Variants in STAM observed in about 807,000 individuals in gnomAD.
The protein encoded by STAM is signal transducing adapter molecule 1.
In STAM, 16 loss-of-function variants were observed where a neutral mutation model predicts 63.4. The observed-to-expected ratio is 0.25, with a 90% CI of 0.17 to 0.38. The LOEUF (loss-of-function observed/expected upper bound fraction) is 0.38. Among genes scored for constraint, STAM ranks in the 10% least tolerant of loss-of-function variants. The probability of loss-of-function intolerance (pLI) is 1.00; values close to 1 mark genes in which losing one functional copy is unlikely to be tolerated. For missense variants in STAM, 636 were observed against 657.1 expected, an observed-to-expected ratio of 0.97 and a Z score of 0.35; for synonymous variants, 238 against 223.9, an observed-to-expected ratio of 1.06 and a Z score of -0.56.
intron 1 of STAM, among the ~76,000 whole-genome samples, chr10:17,654,473 C>T (rs936906041): frequency 1.3e-5 from 2 of 152,052 alleles, no homozygotes; most frequent in Non-Finnish European, 2.9e-5. Context: ...CCGCCCACCT[C>T]GGCCTCCCAA....
intron 2 of STAM, among the ~76,000 whole-genome samples, chr10:17,681,682 T>TA (rs1835093000): frequency 6.6e-6 from 1 of 152,240 alleles, no homozygotes; most frequent in Non-Finnish European, 1.5e-5. Context: ...CTGTTTATGT[T>TA]ATCTGAATTT....
At chr10:17,644,858 G>A (rs549669625) in intron 1 of STAM, among the ~76,000 whole-genome samples, 1 of 152,310 alleles carries the variant, frequency 6.6e-6, no homozygotes, top group African/African-American at 2.4e-5. Flanking sequence ...GTAACTGAAG[G>A]AGGGAGCTCT....
chr10:17,675,542 T>A (rs1834815191), intron 2 of STAM, among the ~76,000 whole-genome samples: 1 of 151,856 alleles, frequency 6.6e-6, no homozygotes. Context: ...CTGAAATTGA[T>A]GGTTTTAAAC....
At chr10:17,665,260 TA>T (rs1477903992) in intron 2 of STAM, among the ~76,000 whole-genome samples, 1 of 152,190 alleles carries the variant, frequency 6.6e-6, no homozygotes, top group African/African-American at 2.4e-5. Flanking sequence ...CATATGCATA[TA>T]TATTTATGTT....
At chr10:17,647,379 T>C (rs1554820998) in intron 1 of STAM, among the ~76,000 whole-genome samples, 1 of 152,228 alleles carries the variant, frequency 6.6e-6, no homozygotes, top group African/African-American at 2.4e-5. Flanking sequence ...TCATGGGATT[T>C]CAGGACACCA....
At chr10:17,701,703 T>G (rs1193945181) in intron 9 of STAM, among the ~76,000 whole-genome samples, 5 of 152,210 alleles carry the variant, frequency 3.3e-5, no homozygotes, top group African/African-American at 1.2e-4. Context: ...GAACATTCTC[T>G]CCTACCATTT....
At chr10:17,707,317 G>A (rs1374889709) in intron 12 of STAM, among the ~76,000 whole-genome samples, 1 of 152,156 alleles carries the variant, frequency 6.6e-6, no homozygotes, top group Non-Finnish European at 1.5e-5. Flanking sequence ...GGCTGAGGCA[G>A]GAGAATGGCA....
chr10:17,697,002 C>T (rs1835788916), intron 8 of STAM, 133 bp downstream of exon 8: 2 of 643,110 alleles, frequency 3.1e-6, no homozygotes, highest in South Asian at 3.9e-5. Flanking sequence ...TCATTGCAAC[C>T]TCCGCCTCCT....
chr10:17,713,314 T>C (rs1175580864), intron 13 of STAM, among the ~76,000 whole-genome samples: 1 of 152,188 alleles, frequency 6.6e-6, no homozygotes, highest in Non-Finnish European at 1.5e-5. Context: ...CTGAATGCCG[T>C]GGATCTGCCG....
rs371350955 is a variant in STAM at position 17,696,951 on chromosome 10, G to A, written c.823+82G>A. On this transcript the variant is annotated intron_variant, in intron 8 of 13. Transcript: ENST00000377524. ...AGTTGAGTAAACTGAACTTTTTAGA[G>A]CAGTGTTGCCCAGGCTGGAGTGCAG... The A allele has an allele frequency of 1.5e-3, 1,771 of 1,158,588 alleles. 10 individuals are homozygous for A. Among genetic ancestry groups the A allele is most frequent in the Middle Eastern group, 8.1e-3 (42 of 5,192 alleles). 71.8% of individuals were successfully genotyped at this position (1,158,588 alleles called of 1,614,324 possible).
intron 7 of STAM, 99 bp from the exon 8 acceptor site, chr10:17,696,676 C>A: frequency 1.2e-6 from 1 of 811,040 alleles, no homozygotes; most frequent in Non-Finnish European, 1.9e-6. Flanking sequence ...TTGTGAGATT[C>A]AAATTTTGTA....
At chr10:17,696,010 A>G (rs1184394368) in intron 7 of STAM, 1 of 152,172 alleles carries the variant, frequency 6.6e-6, no homozygotes, top group Non-Finnish European at 1.5e-5. Flanking sequence ...AGCAGGGGCA[A>G]ATGAGCCCTC....
intron 1 of STAM, among the ~76,000 whole-genome samples, chr10:17,657,009 A>G (rs1390104095): frequency 6.6e-6 from 1 of 152,156 alleles, no homozygotes; most frequent in Non-Finnish European, 1.5e-5. Flanking sequence ...GGAGGTGAGC[A>G]TGCACAGTGT....
chr10:17,650,861 C>T (rs1434806385), intron 1 of STAM, among the ~76,000 whole-genome samples: 1 of 151,962 alleles, frequency 6.6e-6, no homozygotes, highest in Non-Finnish European at 1.5e-5. Context: ...GTCAGCAGAT[C>T]GAGACCATCC....
intron 2 of STAM, among the ~76,000 whole-genome samples, chr10:17,667,323 A>G (rs1554823547): frequency 6.6e-6 from 1 of 152,018 alleles, no homozygotes; most frequent in South Asian, 2.1e-4. Context: ...TGGGGTTTCA[A>G]CGTATTGGTC....
chr10:17,713,356 C>A (rs782772560), intron 13 of STAM, among the ~76,000 whole-genome samples: 12 of 152,222 alleles, frequency 7.9e-5, no homozygotes, highest in Non-Finnish European at 1.5e-4. Context: ...CTCCTCCGTA[C>A]TTCCCCACAG....
chr10:17,695,565 C>G (rs764404926), intron 7 of STAM: 63 of 189,106 alleles, frequency 3.3e-4, no homozygotes, highest in Non-Finnish European at 6.3e-4. Flanking sequence ...TGTATATGTA[C>G]TTAATGCAAT....
intron 5 of STAM, among the ~76,000 whole-genome samples, chr10:17,689,619 C>G (rs782050646): frequency 9.9e-5 from 15 of 151,892 alleles, no homozygotes; most frequent in Non-Finnish European, 1.6e-4. Flanking sequence ...CAGAATAATC[C>G]AAGACATTAT....
chr10:17,675,772 T>G (rs571820318), intron 2 of STAM, among the ~76,000 whole-genome samples: 1 of 152,150 alleles, frequency 6.6e-6, no homozygotes, highest in Admixed American at 6.6e-5. Flanking sequence ...GAAAGTATTA[T>G]TAACAGAGTT....
Sources: allele counts gnomAD v4.1 joint callset (sites outside exome capture counted in the v4.1 genomes callset), GRCh38; gene constraint gnomAD v4.1.1; transcripts MANE v1.5; gene names NCBI Gene and HGNC (gene_info 2026-07-23, HGNC 2026-07-21).